The following TASOR2 variants were observed in gnomAD, a reference collection of about 807,000 sequenced individuals.
TASOR2 encodes the protein transcription activation suppressor family member 2.
Under a neutral mutation model 199.5 loss-of-function variants are expected in TASOR2, and 84 were observed. The observed-to-expected ratio is 0.42, with a 90% CI of 0.35 to 0.50. TASOR2 has a LOEUF of 0.50. Among genes scored for constraint, TASOR2 ranks in the 20% least tolerant of loss-of-function variants. The pLI is 0.02. For synonymous variants in TASOR2, 1,103 were observed against 1,046.6 expected (o/e 1.05, Z -1.04); for missense variants, 2,796 against 2,835.9 (o/e 0.99, Z 0.32).
chr10:5,749,687 C>T (rs763596979), exon 15 of TASOR2: 1 of 1,614,196 alleles, frequency 6.2e-7, no homozygotes. Context: ...CACACTGTTT[C>T]ATTCCACCTC....
In TASOR2 at chr10:5,689,690, A is replaced by G. The variant is rs1836210577; in HGVS notation, c.-288+4515A>G. On this transcript the variant is annotated intron_variant, in intron 1 of 20. Coordinates refer to ENST00000328090, the Ensembl canonical transcript of TASOR2. The surrounding 1 kb of genome is among the most constrained non-coding windows in gnomAD (Gnocchi z 4.1). ...GAGATGTTTTTAAATGTGTTTATTC[A>G]TAATTTATTAAATGTGATTTCCATT... Among the ~76,000 whole-genome samples the G allele has an allele frequency of 6.6e-6, 1 of 152,242 alleles. No individual in the cohort carries two copies. Among genetic ancestry groups the G allele is most frequent in the South Asian group, 2.1e-4 (1 of 4,836 alleles).
chr10:5,704,572 T>C (rs1478833203), intron 1 of TASOR2, among the ~76,000 whole-genome samples: 1 of 152,194 alleles, frequency 6.6e-6, no homozygotes, highest in Non-Finnish European at 1.5e-5. Context: ...AGCTAATCTT[T>C]TTTCAGCTAT....
chr10:5,762,757 TGCTATAAATTTAAA>T, intron 20 of TASOR2, 111 bp downstream of exon 21: 1 of 708,980 alleles, frequency 1.4e-6, no homozygotes, highest in East Asian at 2.8e-5. Flanking sequence ...ACATACTTCA[TGCTATAAATTTAAA>T]GTGTTTGTTT....
rs751490282 is a variant in TASOR2, at chr10:5,719,724, A to T, written c.-99-820A>T. Among the ~76,000 whole-genome samples the T allele has an allele frequency of 3.3e-5, 5 of 152,096 alleles. No individual in the cohort carries two copies. The highest frequency in any genetic ancestry group is 5.9e-5 in the Non-Finnish European group (4 of 68,022). ...TAATGGAAAATACTGCTGACTGTTCAGCAACCAGGACCAGCTGCCTGCTAA... is the reference window on the plus strand; with the variant it reads ...TAATGGAAAATACTGCTGACTGTTCTGCAACCAGGACCAGCTGCCTGCTAA... On this transcript the variant is annotated intron_variant, in intron 3 of 20. Coordinates refer to ENST00000328090, the Ensembl canonical transcript of TASOR2. The surrounding 1 kb of genome is among the most constrained non-coding windows in gnomAD (Gnocchi z 4.1).
exon 15 of TASOR2, chr10:5,749,868 G>A: frequency 6.2e-7 from 1 of 1,614,176 alleles, no homozygotes; most frequent in Middle Eastern, 1.6e-4. Context: ...AGATGTATCT[G>A]CCTTTCCCAG....
At position 5,737,999 on chromosome 10, in the gene TASOR2, C is replaced by A. The variant is rs1355668633; in HGVS notation, c.1448-1619C>A. 6.6e-6 allele frequency among the ~76,000 whole-genome samples: 1 copy of A among 152,128 alleles called. No individual in the cohort carries two copies. Among genetic ancestry groups the A allele is most frequent in the Non-Finnish European group, 1.5e-5 (1 of 68,016 alleles). The stretch of plus-strand genomic sequence containing the variant: ...AATCTCTGAATTTTTTTCTTAAGCA[C>A]CTATGTTAATCATTTTACTTCTTAT... On this transcript the variant is annotated intron_variant, in intron 12 of 20. Transcript: ENST00000328090. The surrounding 1 kb of genome is among the most constrained non-coding windows in gnomAD (Gnocchi z 4.9).
In TASOR2 at chr10:5,742,511, T is replaced by C; in HGVS notation, c.2742T>C (p.Cys914=). ...CCCAAGAAGACCAGAATTTCATCTG[T>C]TCTTACAATAATGAGGTATGTAAAG... The change falls in exon 14 of 21, where the codon TGT becomes TGC. Residue 914 remains cysteine (C), a synonymous_variant. Transcript: ENST00000328090. The surrounding 1 kb of genome is among the most constrained non-coding windows in gnomAD (Gnocchi z 4.2). 1 of 1,613,194 alleles carries C rather than the reference T, an allele frequency of 6.2e-7. No individual in the cohort carries two copies. The highest frequency in any genetic ancestry group is 8.5e-7 in the Non-Finnish European group (1 of 1,179,840).
In TASOR2 at chr10:5,698,016, C is replaced by T. The variant is rs1322212449; in HGVS notation, c.-288+12841C>T. Among the ~76,000 whole-genome samples, 2 of 152,192 alleles carry T rather than the reference C, an allele frequency of 1.3e-5. No homozygotes were observed. The highest frequency in any genetic ancestry group is 2.9e-5 in the Non-Finnish European group (2 of 68,042). ...TCCCAAGGTTGTGCAATGATCACCA[C>T]TACCAATTGCATTATTGACCCTAGT... On this transcript the variant is annotated intron_variant, in intron 1 of 20. Transcript: ENST00000328090. This position sits in a 1 kb window ranked among gnomAD's most constrained non-coding sequence, Gnocchi z 4.4.
rs1021477828 is a variant in TASOR2 at position 5,699,457 on chromosome 10, C to T, written c.-287-13366C>T. 1 of 152,050 alleles carries T rather than the reference C, an allele frequency of 6.6e-6. No homozygotes were observed. Among genetic ancestry groups the T allele is most frequent in the Non-Finnish European group, 1.5e-5 (1 of 67,972 alleles). 9.4% of individuals were successfully genotyped at this position (152,050 alleles called of 1,614,324 possible). A position where few individuals can be genotyped will look rare whatever the true frequency, so the allele number is the denominator to read the frequency against. On this transcript the variant is annotated intron_variant, in intron 1 of 20. Coordinates refer to ENST00000328090, the Ensembl canonical transcript of TASOR2. This position sits in a 1 kb window ranked among gnomAD's most constrained non-coding sequence, Gnocchi z 4.1. ...CACAATTCTGTGGATATACTAAAAG[C>T]AATTGAATTGTACACTTTATGTGGG...
intron 1 of TASOR2, among the ~76,000 whole-genome samples, chr10:5,696,044 C>G (rs1837109400): frequency 6.6e-6 from 1 of 152,156 alleles, no homozygotes; most frequent in African/African-American, 2.4e-5. Flanking sequence ...ACCCAGGAGA[C>G]TAGGAGGCTC....
At chr10:5,755,046 CAAA>C (rs34884255) in intron 15 of TASOR2, among the ~76,000 whole-genome samples, 8 of 78,102 alleles carry the variant, frequency 1.0e-4, no homozygotes, top group Admixed American at 1.6e-4. Flanking sequence ...ACTCTTGTCT[CAAA>C]AAAAAAAAAA....
chr10:5,694,976 A>G (rs1432648096), intron 1 of TASOR2, among the ~76,000 whole-genome samples: 3 of 152,148 alleles, frequency 2.0e-5, no homozygotes, highest in African/African-American at 7.2e-5. Flanking sequence ...GCCAATGCAT[A>G]TATTTAGGAT....
At chr10:5,762,927 T>G (rs997139689) in intron 20 of TASOR2, 102 bp from the exon 22 acceptor site, 2 of 1,083,108 alleles carry the variant, frequency 1.8e-6, no homozygotes, top group Non-Finnish European at 2.7e-6. Flanking sequence ...TAATGTAACC[T>G]TAGAATGCAT....
At chr10:5,741,205 T>C (rs907083222) in intron 13 of TASOR2, among the ~76,000 whole-genome samples, 2 of 152,232 alleles carry the variant, frequency 1.3e-5, no homozygotes, top group African/African-American at 4.8e-5. Flanking sequence ...GTGATATCAA[T>C]GGTGGATGAC....
At chr10:5,733,425 T>A (rs1017878333) in intron 11 of TASOR2, among the ~76,000 whole-genome samples, 2 of 152,154 alleles carry the variant, frequency 1.3e-5, no homozygotes, top group Admixed American at 1.3e-4. Context: ...CGAGAATCTC[T>A]TGAACCTGGG....
chr10:5,708,766 A>G (rs528623747), intron 1 of TASOR2, among the ~76,000 whole-genome samples: 3 of 150,980 alleles, frequency 2.0e-5, no homozygotes, highest in African/African-American at 4.9e-5. Context: ...CAGGGGTGCA[A>G]TCTCAGCTCA....
chr10:5,740,274 C>T lies in TASOR2; in HGVS notation c.2104C>T (p.Pro702Ser). The T allele has an allele frequency of 6.2e-7, 1 of 1,614,228 alleles. No individual in the cohort carries two copies. The highest frequency in any genetic ancestry group is 8.5e-7 in the Non-Finnish European group (1 of 1,180,042). ...GAAAGTCATGCCATTTCGGCATCAG[C>T]CCGGCCTTTTGCTTCAGCAAAAGCC... The change falls in exon 13 of 21, where the codon CCC (proline) becomes TCC (serine). Residue 702 changes from proline (P) to serine (S), a missense_variant. This residue lies in a region of TASOR2 where 847 missense variants were observed against 887.4 expected (regional missense o/e 0.95). Coordinates refer to ENST00000328090, the Ensembl canonical transcript of TASOR2. The surrounding 1 kb of genome is among the most constrained non-coding windows in gnomAD (Gnocchi z 5.3).
At chr10:5,723,744 G>T in exon 7 of TASOR2, 3 of 1,604,312 alleles carry the variant, frequency 1.9e-6, no homozygotes, top group South Asian at 1.1e-5. Context: ...ACCAGAGGCT[G>T]CCTTCAGAAA....
At chr10:5,717,803 T>A in intron 3 of TASOR2, 53 bp downstream of exon 4, 1 of 631,578 alleles carries the variant, frequency 1.6e-6, no homozygotes, top group Non-Finnish European at 2.3e-6. Flanking sequence ...TAAGGTTATC[T>A]ACCTTTGATA....
Sources: gnomAD v4.1 joint callset for allele counts (sites outside exome capture counted in the v4.1 genomes callset) on GRCh38, gnomAD v4.1.1 for gene constraint, gnomAD v4.1.1 regional missense constraint, Gnocchi (gnomAD v3.1) non-coding constraint, MANE v1.5 for transcripts, NCBI Gene and HGNC (gene_info 2026-07-23, HGNC 2026-07-21) for gene names.